Variants in BCL7B observed in about 807,000 individuals in gnomAD.
BCL7B encodes the protein B-cell CLL/lymphoma 7 protein family member B.
Under a neutral mutation model 26.5 loss-of-function variants are expected in BCL7B, and 11 were observed. The observed-to-expected ratio is 0.42, with a 90% CI of 0.26 to 0.69. BCL7B has a LOEUF of 0.69. BCL7B is among the 30% of genes least tolerant of loss of function. The probability of loss-of-function intolerance (pLI) is 0.28; values close to 1 mark genes in which losing one functional copy is unlikely to be tolerated. For missense variants in BCL7B, 215 were observed against 264.4 expected (o/e 0.81, Z 1.30); for synonymous variants, 111 against 107.9 (o/e 1.03, Z -0.18).
In BCL7B at chr7:73,557,683, G is replaced by T; in HGVS notation, c.-105C>A. ...CCGCCGCCGCCGCAGCGTCACAGCG[G>T]CCGTCGCCCCCTCCGTGCGCGCGTG... On this transcript the variant is annotated 5_prime_UTR_variant, in exon 1 of 6. Coordinates refer to ENST00000223368, the MANE Select transcript of BCL7B (RefSeq NM_001707.4). 1 of 601,344 alleles carries T rather than the reference G, an allele frequency of 1.7e-6. No homozygotes were observed. Among genetic ancestry groups the T allele is most frequent in the Non-Finnish European group, 2.2e-6 (1 of 463,500 alleles). 37.3% of individuals were successfully genotyped at this position (601,344 alleles called of 1,614,324 possible).
intron 2 of BCL7B, among the ~76,000 whole-genome samples, chr7:73,547,333 C>A (rs561792680): frequency 6.6e-6 from 1 of 152,240 alleles, no homozygotes; most frequent in Non-Finnish European, 1.5e-5. Context: ...CGTGGTGGCA[C>A]GTGCCTGTAG....
At chr7:73,551,402 C>T (rs925660908) in intron 2 of BCL7B, among the ~76,000 whole-genome samples, 6 of 152,100 alleles carry the variant, frequency 3.9e-5, no homozygotes, top group Non-Finnish European at 5.9e-5. Context: ...CAGGTTCAAG[C>T]GATTCTCCTT....
At chr7:73,546,709 A>G (rs891166651) in intron 2 of BCL7B, among the ~76,000 whole-genome samples, 3 of 152,118 alleles carry the variant, frequency 2.0e-5, no homozygotes, top group Non-Finnish European at 4.4e-5. Context: ...CAATTGAGGC[A>G]ATTTGTTATG....
chr7:73,546,186 G>A (rs1010346643), intron 2 of BCL7B, among the ~76,000 whole-genome samples: 2 of 150,892 alleles, frequency 1.3e-5, no homozygotes, highest in South Asian at 2.1e-4. Context: ...CGTCCTCCTC[G>A]TAGTTACACA....
intron 1 of BCL7B, 144 bp downstream of exon 1, chr7:73,557,343 C>A (rs1362149295): frequency 1.7e-6 from 2 of 1,178,134 alleles, no homozygotes; most frequent in African/African-American, 3.2e-5. Context: ...CTCACGCCGA[C>A]GCCAGCGGCG....
At chr7:73,537,413 A>T in intron 5 of BCL7B, 23 bp from the exon 6 acceptor site, 1 of 1,598,154 alleles carries the variant, frequency 6.3e-7, no homozygotes, top group Non-Finnish European at 8.6e-7. Context: ...AGAGCATGGA[A>T]TGCCAGGGCC....
At chr7:73,550,026 T>C (rs1245779427) in intron 2 of BCL7B, among the ~76,000 whole-genome samples, 1 of 152,206 alleles carries the variant, frequency 6.6e-6, no homozygotes, top group Non-Finnish European at 1.5e-5. Flanking sequence ...GAGTGTTAGC[T>C]TTATATTTAT....
chr7:73,547,739 T>C (rs1792006591), intron 2 of BCL7B, among the ~76,000 whole-genome samples: 1 of 152,206 alleles, frequency 6.6e-6, no homozygotes, highest in South Asian at 2.1e-4. Flanking sequence ...CAGAAAGTTT[T>C]CCCCACAGAA....
intron 2 of BCL7B, among the ~76,000 whole-genome samples, chr7:73,546,131 C>CAA (rs1327019672): frequency 9.5e-5 from 7 of 73,878 alleles, no homozygotes; most frequent in Admixed American, 1.5e-4. Flanking sequence ...GACTCCATCT[C>CAA]AAAAAAAAAA....
At chr7:73,541,341 A>C (rs56158101) in intron 3 of BCL7B, among the ~76,000 whole-genome samples, 8,846 of 152,040 alleles carry the variant, frequency 0.058, 278 homozygotes, top group African/African-American at 0.067. Flanking sequence ...CAACAGCCAC[A>C]TACCTCACTG....
At chr7:73,545,638 A>C (rs1791925783) in intron 2 of BCL7B, among the ~76,000 whole-genome samples, 2 of 152,186 alleles carry the variant, frequency 1.3e-5, no homozygotes, top group Non-Finnish European at 2.9e-5. Flanking sequence ...GGATGGGGGA[A>C]TAAACAGTTG....
intron 2 of BCL7B, among the ~76,000 whole-genome samples, chr7:73,546,131 C>CAAAAAAAA (rs1327019672): frequency 1.4e-5 from 1 of 73,908 alleles, no homozygotes; most frequent in African/African-American, 5.7e-5. Flanking sequence ...GACTCCATCT[C>CAAAAAAAA]AAAAAAAAAA....
intron 3 of BCL7B, among the ~76,000 whole-genome samples, chr7:73,540,726 A>AG (rs1791729871): frequency 7.1e-6 from 1 of 141,828 alleles, no homozygotes; most frequent in South Asian, 2.4e-4. Context: ...GCTACTCAGG[A>AG]GGCTGAGGCA....
At chr7:73,548,194 C>T (rs1019768532) in intron 2 of BCL7B, among the ~76,000 whole-genome samples, 3 of 151,796 alleles carry the variant, frequency 2.0e-5, no homozygotes, top group African/African-American at 7.3e-5. Context: ...CTTCGGAAGG[C>T]GGAGGTGGGC....
intron 2 of BCL7B, among the ~76,000 whole-genome samples, chr7:73,547,350 T>C (rs1024866909): frequency 6.6e-6 from 1 of 152,156 alleles, no homozygotes; most frequent in Non-Finnish European, 1.5e-5. Flanking sequence ...GTAGTCCCCG[T>C]TACTTGGGAG....
rs781835317 is a variant in BCL7B, at chr7:73,537,918, CAA to C, written c.516+14_516+15del. ...CAAAAAAACAAAAAACTGGAAAACTCAAAGTGATTGCTTACCTGTGTCTCTAG... is the reference window on the plus strand; with the variant it reads ...CAAAAAAACAAAAAACTGGAAAACTCAGTGATTGCTTACCTGTGTCTCTAG... On this transcript the variant is annotated intron_variant, in intron 5 of 5. Transcript: ENST00000223368. 1.3e-5 allele frequency: 21 copies of C among 1,564,260 alleles called. 1 individual carries two copies. In the South Asian group the frequency reaches 2.4e-4, roughly 18 times the overall value.
rs201186412 is a variant in BCL7B at position 73,552,924 on chromosome 7, C to CT, written c.93-683dup. Among the ~76,000 whole-genome samples, 765 of 152,130 alleles carry CT rather than the reference C, an allele frequency of 5.0e-3. 10 individuals carry two copies. Among genetic ancestry groups the CT allele is most frequent in the African/African-American group, 0.018 (732 of 41,528 alleles). ...TGAGTTCTATTACTACATTCCTTTTCTTTGTTTGTTTTAGTGAGACAGGGT... is the reference window on the plus strand; with the variant it reads ...TGAGTTCTATTACTACATTCCTTTTCTTTTGTTTGTTTTAGTGAGACAGGGT... On this transcript the variant is annotated intron_variant, in intron 1 of 5. Coordinates refer to ENST00000223368, the MANE Select transcript of BCL7B (RefSeq NM_001707.4).
At chr7:73,542,039 G>C (rs1791789063) in intron 3 of BCL7B, among the ~76,000 whole-genome samples, 1 of 152,176 alleles carries the variant, frequency 6.6e-6, no homozygotes, top group African/African-American at 2.4e-5. Context: ...GGCTCGCATA[G>C]GTGGAAATGC....
At chr7:73,552,504 C>T (rs955045617) in intron 1 of BCL7B, among the ~76,000 whole-genome samples, 16 of 151,750 alleles carry the variant, frequency 1.1e-4, no homozygotes, top group African/African-American at 3.6e-4. Flanking sequence ...ACAGGCCAGG[C>T]GCAGCGGCTC....
Sources: gnomAD v4.1 joint callset for allele counts (sites outside exome capture counted in the v4.1 genomes callset) on GRCh38, gnomAD v4.1.1 for gene constraint, MANE v1.5 for transcripts, NCBI Gene and HGNC (gene_info 2026-07-23, HGNC 2026-07-21) for gene names.